Variants in CLSTN2 observed in about 807,000 individuals in gnomAD.
CLSTN2 encodes calsyntenin-2.
In CLSTN2, 48 loss-of-function variants were observed where a neutral mutation model predicts 101.2. The ratio of observed to expected loss-of-function variants is 0.47; its 90% CI spans 0.38 to 0.60. CLSTN2 has a LOEUF of 0.60. Ranked by LOEUF, CLSTN2 falls within the 20% of genes least tolerant of loss-of-function variation. The pLI is 0.00. For missense variants in CLSTN2, 1,160 were observed against 1,238.2 expected (o/e 0.94, Z 0.95); for synonymous variants, 481 against 463.6 (o/e 1.04, Z -0.48).
chr3:140,143,430 G>A (rs560760581), intron 1 of CLSTN2, among the ~76,000 whole-genome samples: 1 of 152,098 alleles, frequency 6.6e-6, no homozygotes, highest in Non-Finnish European at 1.5e-5. Context: ...CTGCCTTTTT[G>A]TTCTTTTCAG....
chr3:140,444,718 C>T (rs750008109), intron 5 of CLSTN2, among the ~76,000 whole-genome samples: 17 of 152,146 alleles, frequency 1.1e-4, no homozygotes, highest in Non-Finnish European at 1.3e-4. Flanking sequence ...CCCCAAAATC[C>T]GGGGTGGTAG....
intron 1 of CLSTN2, among the ~76,000 whole-genome samples, chr3:139,940,994 G>A (rs1042152033): frequency 3.3e-5 from 5 of 152,124 alleles, no homozygotes; most frequent in African/African-American, 1.2e-4. Flanking sequence ...TTTCCTCCAA[G>A]CCCTGCTACC....
chr3:140,052,664 A>T (rs1298944572), intron 1 of CLSTN2, among the ~76,000 whole-genome samples: 1 of 152,178 alleles, frequency 6.6e-6, no homozygotes, highest in Non-Finnish European at 1.5e-5. Context: ...CTGAGGTAAG[A>T]GTTGGCCTCT....
intron 1 of CLSTN2, among the ~76,000 whole-genome samples, chr3:140,170,181 T>G (rs2010190571): frequency 6.6e-6 from 1 of 152,192 alleles, no homozygotes; most frequent in Admixed American, 6.5e-5. Context: ...TTGATCTGGA[T>G]GCAAATAATG....
chr3:140,406,746 G>A (rs904627916), intron 4 of CLSTN2, among the ~76,000 whole-genome samples: 2 of 152,158 alleles, frequency 1.3e-5, no homozygotes, highest in African/African-American at 4.8e-5. Flanking sequence ...TGGAATTTGG[G>A]GAGTGACAAG....
At chr3:140,078,362 G>A (rs904432558) in intron 1 of CLSTN2, among the ~76,000 whole-genome samples, 1 of 152,166 alleles carries the variant, frequency 6.6e-6, no homozygotes, top group Admixed American at 6.5e-5. Flanking sequence ...TTGTGGATGG[G>A]GGAGATGACT....
intron 8 of CLSTN2, among the ~76,000 whole-genome samples, chr3:140,510,857 C>A (rs1934800034): frequency 6.6e-6 from 1 of 152,188 alleles, no homozygotes; most frequent in Non-Finnish European, 1.5e-5. Flanking sequence ...TTTCCTTCAA[C>A]TTTTATTTTA....
intron 2 of CLSTN2, among the ~76,000 whole-genome samples, chr3:140,207,304 T>TA (rs1199739950): frequency 1.3e-5 from 2 of 152,230 alleles, no homozygotes; most frequent in African/African-American, 4.8e-5. Context: ...TTCACCTCTC[T>TA]AAATGCCAAT....
chr3:140,226,890 T>G (rs1460778576), intron 2 of CLSTN2, among the ~76,000 whole-genome samples: 1 of 152,134 alleles, frequency 6.6e-6, no homozygotes, highest in East Asian at 1.9e-4. Context: ...TGTGAGACTC[T>G]TTCACTATCA....
chr3:140,560,840 A>G (rs1281698298), intron 12 of CLSTN2, among the ~76,000 whole-genome samples: 2 of 152,056 alleles, frequency 1.3e-5, no homozygotes, highest in African/African-American at 4.8e-5. Context: ...AACTGTGGGA[A>G]GGCCATTGAA....
intron 8 of CLSTN2, among the ~76,000 whole-genome samples, chr3:140,521,855 C>T (rs532713336): frequency 1.2e-4 from 18 of 152,262 alleles, no homozygotes; most frequent in Non-Finnish European, 1.9e-4. Flanking sequence ...TGTAAGGTGC[C>T]GTTGAAGTGG....
chr3:140,187,016 A>G (rs1236643037), intron 2 of CLSTN2, among the ~76,000 whole-genome samples: 1 of 152,148 alleles, frequency 6.6e-6, no homozygotes, highest in Non-Finnish European at 1.5e-5. Context: ...TTGCAAGGGG[A>G]AAATCTTTAT....
rs536562659 is a variant in CLSTN2, at chr3:140,195,097, T to C, written c.232+19024T>C. The stretch of plus-strand genomic sequence containing the variant: ...GAGCACCTCATTACAGCCCCATGAG[T>C]GTGGATGTCTAGGCTTTCTACTTAC... On this transcript the variant is annotated intron_variant, in intron 2 of 16. Coordinates refer to ENST00000458420, the MANE Select transcript of CLSTN2 (RefSeq NM_022131.3). 2.5e-3 allele frequency among the ~76,000 whole-genome samples: 376 copies of C among 152,242 alleles called. 2 individuals are homozygous for C. Among genetic ancestry groups the C allele is most frequent in the Non-Finnish European group, 4.4e-3 (296 of 68,002 alleles).
chr3:139,979,888 A>C (rs768158662), intron 1 of CLSTN2, among the ~76,000 whole-genome samples: 2 of 151,756 alleles, frequency 1.3e-5, no homozygotes, highest in Admixed American at 6.6e-5. Context: ...AGTGTTCCCT[A>C]TTTCAGCAAA....
In CLSTN2 at chr3:139,935,788, A is replaced by G. The variant is rs1935009614; in HGVS notation, c.109+305A>G. On this transcript the variant is annotated intron_variant, in intron 1 of 16. Coordinates refer to ENST00000458420, the MANE Select transcript of CLSTN2 (RefSeq NM_022131.3). The surrounding 1 kb of genome is among the most constrained non-coding windows in gnomAD (Gnocchi z 5.5). Reference sequence around the variant, plus strand: ...GTGGGAGCGCAGTGGGTGAGTTTCGAGCTCTGGCCCAGGGACGGCTAGAGC... The same window carrying G: ...GTGGGAGCGCAGTGGGTGAGTTTCGGGCTCTGGCCCAGGGACGGCTAGAGC... Among the ~76,000 whole-genome samples, 1 of 151,828 alleles carries G rather than the reference A, an allele frequency of 6.6e-6. No individual in the cohort carries two copies. The highest frequency in any genetic ancestry group is 2.1e-4 in the South Asian group (1 of 4,794).
intron 2 of CLSTN2, among the ~76,000 whole-genome samples, chr3:140,382,253 G>T (rs1432317139): frequency 6.6e-6 from 1 of 152,056 alleles, no homozygotes; most frequent in Middle Eastern, 3.4e-3. Context: ...TTTCTATTAG[G>T]CCTGGTCCCA....
intron 1 of CLSTN2, among the ~76,000 whole-genome samples, chr3:140,043,372 T>C (rs2007800381): frequency 6.6e-6 from 1 of 152,198 alleles, no homozygotes; most frequent in Non-Finnish European, 1.5e-5. Flanking sequence ...GATGGGGTTG[T>C]TTATTTTTTT....
chr3:140,327,026 C>T (rs574790731), intron 2 of CLSTN2, among the ~76,000 whole-genome samples: 4 of 151,974 alleles, frequency 2.6e-5, no homozygotes, highest in African/African-American at 4.8e-5. Context: ...AAAAATAAAA[C>T]GTCATTAAAG....
At chr3:140,547,429 G>T (rs1034336954) in intron 10 of CLSTN2, among the ~76,000 whole-genome samples, 1 of 151,656 alleles carries the variant, frequency 6.6e-6, no homozygotes, top group African/African-American at 2.4e-5. Flanking sequence ...AGCTAAGATC[G>T]CACCAATGCA....
Sources: allele counts gnomAD v4.1 joint callset (sites outside exome capture counted in the v4.1 genomes callset), GRCh38; gene constraint gnomAD v4.1.1; non-coding constraint Gnocchi (gnomAD v3.1); transcripts MANE v1.5; gene names NCBI Gene and HGNC (gene_info 2026-07-23, HGNC 2026-07-21).